Variants in ANO1 observed in about 807,000 individuals in gnomAD.
ANO1 encodes the protein anoctamin 1.
Under a neutral mutation model 124.0 loss-of-function variants are expected in ANO1, and 59 were observed. That is an observed-to-expected ratio of 0.48 (90% CI 0.39 to 0.59). The LOEUF (loss-of-function observed/expected upper bound fraction) is 0.59. ANO1 is among the 20% of genes least tolerant of loss of function. The pLI, the probability that ANO1 is intolerant of heterozygous loss-of-function variation, is 0.00. For missense variants in ANO1, 1,059 were observed against 1,328.0 expected (o/e 0.80, Z 3.15); for synonymous variants, 529 against 532.0 (o/e 0.99, Z 0.08).
chr11:70,182,123 A>G (rs2048951068), intron 23 of ANO1, among the ~76,000 whole-genome samples: 1 of 151,910 alleles, frequency 6.6e-6, no homozygotes, highest in Non-Finnish European at 1.5e-5. Context: ...ACAAGCCCAG[A>G]GGCACAGTGC....
intron 1 of ANO1, among the ~76,000 whole-genome samples, chr11:70,086,595 G>A (rs2044396524): frequency 6.6e-6 from 1 of 152,226 alleles, no homozygotes; most frequent in Non-Finnish European, 1.5e-5. Context: ...CAGGCCACGT[G>A]TGGGGAAGGT....
chr11:70,100,774 C>T (rs757381035), intron 2 of ANO1, among the ~76,000 whole-genome samples: 45 of 152,190 alleles, frequency 3.0e-4, no homozygotes, highest in African/African-American at 4.3e-4. Context: ...ATGGAATGCA[C>T]GCAGCAGGGA....
Position 70,088,074 on chromosome 11 carries a change from G to A in ANO1, c.431G>A (p.Arg144Gln), listed in dbSNP as rs757934686. 40 of 1,317,546 alleles carry A rather than the reference G, an allele frequency of 3.0e-5. No individual in the cohort carries two copies. The highest frequency in any genetic ancestry group is 6.5e-5 in the East Asian group (2 of 30,616). 81.6% of individuals were successfully genotyped at this position (1,317,546 alleles called of 1,614,324 possible). A position where few individuals can be genotyped will look rare whatever the true frequency, so the allele number is the denominator to read the frequency against. ...CTGGAGGCGGGCCTGGAGCTGGAGCGGGACGAGGACGTAACTATCTCACTG... is the reference window on the plus strand; with the variant it reads ...CTGGAGGCGGGCCTGGAGCTGGAGCAGGACGAGGACGTAACTATCTCACTG... ...NLLEAGLELERDEDTKIHGVG... is the reference protein window; with the variant it reads ...NLLEAGLELEQDEDTKIHGVG... The change falls in exon 2 of 26, where the codon CGG becomes CAG. Residue 144 changes from arginine to glutamine, a missense_variant. By Grantham distance (43) the Arg-to-Gln change is conservative (BLOSUM62 1). This residue lies in a region of ANO1 where 250 missense variants were observed against 233.1 expected (regional missense o/e 1.07). Transcript: ENST00000355303.
intron 12 of ANO1, 119 bp from the exon 13 acceptor site, chr11:70,152,331 T>C (rs57758879): frequency 0.1 from 79,696 of 767,464 alleles, 5,177 homozygotes; most frequent in African/African-American, 0.14. Flanking sequence ...CAAGACTCCA[T>C]CTCAAAAAAA....
At chr11:70,065,476 AC>A (rs1857694071) in intron 1 of ANO1, 1 of 152,630 alleles carries the variant, frequency 6.6e-6, no homozygotes, top group Non-Finnish European at 1.5e-5. Flanking sequence ...TGTGGGGGCC[AC>A]CTTTCCAGCC....
At chr11:70,135,884 G>A (rs933039735) in intron 11 of ANO1, among the ~76,000 whole-genome samples, 6 of 152,344 alleles carry the variant, frequency 3.9e-5, no homozygotes, top group Admixed American at 2.6e-4. Flanking sequence ...AAAGCGCTAC[G>A]TGGCATTCTG....
chr11:70,033,055 C>T (rs1465080725), intron 1 of ANO1, among the ~76,000 whole-genome samples: 7 of 152,148 alleles, frequency 4.6e-5, no homozygotes, highest in South Asian at 2.1e-4. Context: ...GTCCCTTTAA[C>T]GACATCTTGT....
chr11:70,156,124 C>A, intron 15 of ANO1, 136 bp downstream of exon 15: 3 of 958,672 alleles, frequency 3.1e-6, no homozygotes, highest in Non-Finnish European at 4.4e-6. Flanking sequence ...CTTCCTTCGG[C>A]ACCCAGTGAG....
intron 1 of ANO1, among the ~76,000 whole-genome samples, chr11:70,016,636 C>T (rs1226149270): frequency 1.3e-5 from 2 of 152,198 alleles, no homozygotes; most frequent in Admixed American, 6.5e-5. Flanking sequence ...CCTGGGAGCG[C>T]GGGGCATGCA....
At chr11:70,059,834 A>G (rs551834853) in intron 1 of ANO1, among the ~76,000 whole-genome samples, 320 of 152,298 alleles carry the variant, frequency 2.1e-3, no homozygotes, top group African/African-American at 7.3e-3. Context: ...CTGAGTTGGA[A>G]AAGACTGGTA....
At position 70,056,229 on chromosome 11, in the gene ANO1, G is replaced by C. The variant is rs142083606; in HGVS notation, c.59-22313G>C. ...CTGGAAATGAATTCTCTTAGTTTCT[G>C]TTCATCCAAAAACATATTTATTTTG... is the stretch of plus-strand genomic sequence containing the variant. On this transcript the variant is annotated intron_variant, in intron 1 of 27. Transcript: ENST00000531349. The C allele has an allele frequency of 1.8e-4, 28 of 151,890 alleles. 1 individual carries two copies. The highest frequency in any genetic ancestry group is 6.8e-4 in the African/African-American group (28 of 41,374). 9.4% of individuals were successfully genotyped at this position (151,890 alleles called of 1,614,324 possible).
chr11:70,046,345 C>T (rs7947026), intron 1 of ANO1, among the ~76,000 whole-genome samples: 35,226 of 152,030 alleles, frequency 0.23, 4,835 homozygotes, highest in South Asian at 0.33. Flanking sequence ...TAAGACTTCA[C>T]GCCTGGGGGT....
intron 25 of ANO1, among the ~76,000 whole-genome samples, chr11:70,186,395 G>GAAGGAAGGAAGA (rs1251399539): frequency 3.6e-4 from 53 of 146,098 alleles, no homozygotes; most frequent in Non-Finnish European, 5.9e-4. Flanking sequence ...AGGAAGGAAG[G>GAAGGAAGGAAGA]AAGAAAGACA....
chr11:70,034,169 C>T (rs1555004117), intron 1 of ANO1, among the ~76,000 whole-genome samples: 1 of 152,140 alleles, frequency 6.6e-6, no homozygotes, highest in Admixed American at 6.5e-5. Context: ...GCCTAAAAAT[C>T]TTACCATCTG....
intron 1 of ANO1, among the ~76,000 whole-genome samples, chr11:70,038,245 C>T (rs139650938): frequency 6.6e-6 from 1 of 152,344 alleles, no homozygotes; most frequent in Non-Finnish European, 1.5e-5. Context: ...TATTTGGAAA[C>T]CCTCCTGACC....
the ANO1 span, among the ~76,000 whole-genome samples, chr11:69,969,351 T>C: frequency 6.6e-6 from 1 of 152,200 alleles, no homozygotes; most frequent in Non-Finnish European, 1.5e-5. Context: ...ATCCTGGTGC[T>C]GGGACTGACC....
chr11:70,173,853 C>A (rs1223189407), intron 22 of ANO1, among the ~76,000 whole-genome samples: 2 of 152,108 alleles, frequency 1.3e-5, no homozygotes, highest in Admixed American at 6.5e-5. Context: ...GAGTTTGAGA[C>A]CAGCCTGGCC....
At chr11:69,967,217 C>T in the ANO1 span, among the ~76,000 whole-genome samples, 9 of 144,112 alleles carry the variant, frequency 6.2e-5, no homozygotes, top group Non-Finnish European at 9.2e-5. Context: ...CATCAGGCTC[C>T]GAGCGCCCGT....
At chr11:70,180,095 G>C in intron 23 of ANO1, 39 bp downstream of exon 23, 2 of 1,586,386 alleles carry the variant, frequency 1.3e-6, no homozygotes, top group Non-Finnish European at 1.7e-6. Context: ...TGGAAGTCCC[G>C]GCTGAACTGC....
Sources: gnomAD v4.1 joint callset for allele counts (sites outside exome capture counted in the v4.1 genomes callset) on GRCh38, gnomAD v4.1.1 for gene constraint, gnomAD v4.1.1 regional missense constraint, MANE v1.5 for transcripts, NCBI Gene and HGNC (gene_info 2026-07-23, HGNC 2026-07-21) for gene names.